Variants in AFG2A observed in about 807,000 individuals in gnomAD.
AFG2A encodes the protein AAA ATPase AFG2A.
chr4:123,184,738 G>A, the AFG2A span, among the ~76,000 whole-genome samples: 1 of 150,926 alleles, frequency 6.6e-6, no homozygotes, highest in Non-Finnish European at 1.5e-5. Context: ...GGGTTTCACC[G>A]TTTTAGCCGG....
chr4:123,164,389 A>C, the AFG2A span, among the ~76,000 whole-genome samples: 1 of 151,928 alleles, frequency 6.6e-6, no homozygotes, highest in African/African-American at 2.4e-5. Context: ...TTTGAGACAG[A>C]GTCTCGCCCT....
chr4:123,138,726 AT>A, the AFG2A span, among the ~76,000 whole-genome samples: 1 of 151,982 alleles, frequency 6.6e-6, no homozygotes, highest in Admixed American at 6.6e-5. Flanking sequence ...ATACTTTTTC[AT>A]TTTTTTAAGG....
At chr4:123,227,908 A>G in the AFG2A span, among the ~76,000 whole-genome samples, 3 of 152,176 alleles carry the variant, frequency 2.0e-5, no homozygotes, top group Non-Finnish European at 4.4e-5. Flanking sequence ...TATTGTGTGC[A>G]TATATATTTA....
At chr4:122,999,630 A>G in the AFG2A span, among the ~76,000 whole-genome samples, 8 of 151,888 alleles carry the variant, frequency 5.3e-5, no homozygotes, top group South Asian at 2.1e-4. Flanking sequence ...GATAGGTGGC[A>G]TTATTTCTGA....
At chr4:123,175,911 G>A in the AFG2A span, among the ~76,000 whole-genome samples, 1 of 152,178 alleles carries the variant, frequency 6.6e-6, no homozygotes, top group Non-Finnish European at 1.5e-5. Flanking sequence ...TGTATGGAGG[G>A]GTAATGCACA....
chr4:123,313,241 A>T, the AFG2A span, among the ~76,000 whole-genome samples: 3 of 151,998 alleles, frequency 2.0e-5, no homozygotes, highest in Non-Finnish European at 4.4e-5. Flanking sequence ...ATTCTTTTCA[A>T]TTCTTCCAGC....
the AFG2A span, among the ~76,000 whole-genome samples, chr4:122,966,974 G>A: frequency 3.1e-4 from 47 of 152,214 alleles, no homozygotes; most frequent in African/African-American, 9.1e-4. Context: ...AACTCCTGTG[G>A]TCAATGAATA....
At chr4:122,958,696 A>G in the AFG2A span, among the ~76,000 whole-genome samples, 7 of 152,280 alleles carry the variant, frequency 4.6e-5, no homozygotes, top group South Asian at 1.5e-3. Flanking sequence ...AGGTGATGCT[A>G]ATGCTGGTGC....
chr4:123,181,197 G>T, the AFG2A span, among the ~76,000 whole-genome samples: 5 of 151,930 alleles, frequency 3.3e-5, no homozygotes, highest in African/African-American at 1.2e-4. Flanking sequence ...TGTTAGCCAG[G>T]ATGGTCTCGA....
At chr4:123,216,942 T>C in the AFG2A span, among the ~76,000 whole-genome samples, 2 of 152,178 alleles carry the variant, frequency 1.3e-5, no homozygotes, top group African/African-American at 4.8e-5. Context: ...AATGCTGGGA[T>C]ACAGGTATGA....
chr4:122,952,459 C>G, the AFG2A span, among the ~76,000 whole-genome samples: 1 of 152,158 alleles, frequency 6.6e-6, no homozygotes, highest in Non-Finnish European at 1.5e-5. Flanking sequence ...TAAAATGATG[C>G]CCATACCCTA....
At chr4:123,313,946 A>G in the AFG2A span, 24 of 1,612,904 alleles carry the variant, frequency 1.5e-5, no homozygotes, top group South Asian at 2.1e-4. Flanking sequence ...ATTCAAGCCA[A>G]TCTCATCATG....
chr4:123,256,129 A>T, the AFG2A span: 1 of 1,614,162 alleles, frequency 6.2e-7, no homozygotes. Flanking sequence ...TCAGTAATGA[A>T]GTTGACCTGG....
chr4:123,060,418 ATCT>A, the AFG2A span, among the ~76,000 whole-genome samples: 3 of 152,186 alleles, frequency 2.0e-5, no homozygotes, highest in African/African-American at 7.2e-5. Context: ...GATTTCCAAC[ATCT>A]TCTGAAATCT....
the AFG2A span, among the ~76,000 whole-genome samples, chr4:123,067,294 G>A: frequency 6.6e-6 from 1 of 151,960 alleles, no homozygotes; most frequent in South Asian, 2.1e-4. Context: ...TGAGGCGGGC[G>A]GATCACGAGG....
chr4:123,255,388 G>A, the AFG2A span, among the ~76,000 whole-genome samples: 9 of 152,036 alleles, frequency 5.9e-5, no homozygotes, highest in Non-Finnish European at 1.2e-4. Flanking sequence ...GTGGTGGCAT[G>A]TGCCTGTAGT....
the AFG2A span, among the ~76,000 whole-genome samples, chr4:122,978,919 G>A: frequency 1.3e-5 from 2 of 152,210 alleles, no homozygotes; most frequent in South Asian, 2.1e-4. Context: ...CAGGCACTTC[G>A]GAGCCTGTTG....
the AFG2A span, among the ~76,000 whole-genome samples, chr4:123,172,208 G>T: frequency 7.8e-4 from 119 of 152,244 alleles, no homozygotes; most frequent in African/African-American, 2.7e-3. Flanking sequence ...AGTGCCTTTT[G>T]GCCTGGCTTC....
chr4:122,936,004 A>C, the AFG2A span: 1 of 1,299,052 alleles, frequency 7.7e-7, no homozygotes, highest in Non-Finnish European at 1.0e-6. Flanking sequence ...AGTAATTTTA[A>C]GTATTATAGA....
Sources: allele counts gnomAD v4.1 joint callset (sites outside exome capture counted in the v4.1 genomes callset), GRCh38; gene constraint gnomAD v4.1.1; transcripts MANE v1.5; gene names NCBI Gene and HGNC (gene_info 2026-07-23, HGNC 2026-07-21).